The following GTF3C5 variants were observed in gnomAD, a reference collection of about 807,000 sequenced individuals.
GTF3C5 encodes the protein general transcription factor IIIC subunit 5.
A neutral mutation model predicts 61.0 loss-of-function variants in GTF3C5; 47 were observed. That is an observed-to-expected ratio of 0.77 (90% CI 0.61 to 0.98). GTF3C5 has a LOEUF of 0.98. Ranked by LOEUF, GTF3C5 falls within the 50% of genes least tolerant of loss-of-function variation. The pLI, the probability that GTF3C5 is intolerant of heterozygous loss-of-function variation, is 0.00. For synonymous variants in GTF3C5, 295 were observed against 275.4 expected, an observed-to-expected ratio of 1.07 and a Z score of -0.71; for missense variants, 659 against 703.3, an observed-to-expected ratio of 0.94 and a Z score of 0.71.
chr9:133,038,057 C>T (rs1849918298), intron 1 of GTF3C5, among the ~76,000 whole-genome samples: 1 of 152,132 alleles, frequency 6.6e-6, no homozygotes, highest in African/African-American at 2.4e-5. Flanking sequence ...ATGTGGGTTA[C>T]AGTGGCTGGA....
rs771499679 is a variant in GTF3C5, at chr9:133,052,208, G to A, written c.873+44G>A. On this transcript the variant is annotated intron_variant, in intron 5 of 10. Coordinates refer to ENST00000372097, the MANE Select transcript of GTF3C5 (RefSeq NM_012087.4). ...CCCACCTGCCTTGGTTTCCACCCAT[G>A]TGGTCCCTGGTCCCTGCTGTGATGT... The A allele has an allele frequency of 1.2e-4, 121 of 1,051,928 alleles. No homozygotes were observed. In the South Asian group the frequency reaches 1.6e-3, roughly 14 times the overall value. 65.2% of individuals were successfully genotyped at this position (1,051,928 alleles called of 1,614,324 possible).
At chr9:133,044,082 T>C in intron 3 of GTF3C5, 156 bp downstream of exon 3, 2 of 565,376 alleles carry the variant, frequency 3.5e-6, no homozygotes, top group South Asian at 4.1e-5. Context: ...GAGGCGGAGG[T>C]TGCAGTGAGC....
At position 133,057,863 on chromosome 9, in the gene GTF3C5, G is replaced by C. The variant is rs200561021; in HGVS notation, c.1443G>C (p.Thr481=). Reference sequence around the variant, plus strand: ...CTGATGGCGGAAAAGAGCAGCTGACGTACGAGTCTGGGGAAGACGAGGAGG... The same window carrying C: ...CTGATGGCGGAAAAGAGCAGCTGACCTACGAGTCTGGGGAAGACGAGGAGG... ...AKADGGKEQL[T]YESGEDEEDE... The change falls in exon 11 of 11, where the codon ACG becomes ACC. Residue 481 remains threonine (T), a synonymous_variant. Coordinates refer to ENST00000372097, the MANE Select transcript of GTF3C5 (RefSeq NM_012087.4). 5.0e-6 allele frequency: 8 copies of C among 1,613,630 alleles called. No individual in the cohort carries two copies. Among genetic ancestry groups the C allele is most frequent in the Admixed American group, 3.3e-5 (2 of 60,016 alleles).
chr9:133,038,512 G>A (rs1439777958), intron 1 of GTF3C5, among the ~76,000 whole-genome samples: 6 of 149,834 alleles, frequency 4.0e-5, no homozygotes, highest in African/African-American at 7.4e-5. Flanking sequence ...GTGCAGTGGC[G>A]CGATCTCGGC....
chr9:133,047,930 G>A (rs976790886), intron 3 of GTF3C5, among the ~76,000 whole-genome samples: 10 of 152,176 alleles, frequency 6.6e-5, no homozygotes, highest in Admixed American at 1.3e-4. Flanking sequence ...TTTGAGAACA[G>A]CCTGAGCGAC....
intron 1 of GTF3C5, among the ~76,000 whole-genome samples, 169 bp downstream of exon 1, chr9:133,031,333 ATTTTTGTTTTTG>A (rs775008956): frequency 6.6e-6 from 1 of 151,940 alleles, no homozygotes; most frequent in Non-Finnish European, 1.5e-5. Flanking sequence ...GAAGGGAAGG[ATTTTTGTTTTTG>A]TTTTTGTTTT....
intron 8 of GTF3C5, chr9:133,055,499 C>T: frequency 3.3e-6 from 4 of 1,199,534 alleles, no homozygotes; most frequent in Admixed American, 3.5e-5. Context: ...GCCTGTGCGG[C>T]CTTCCTTCTC....
chr9:133,054,595 G>A (rs1829873037), intron 7 of GTF3C5, 107 bp downstream of exon 7: 2 of 1,415,408 alleles, frequency 1.4e-6, no homozygotes, highest in South Asian at 2.5e-5. Flanking sequence ...CCAGGGCTCT[G>A]CCGGTCATTC....
chr9:133,037,747 CTGCGTCTTCTAAGA>C (rs1564195388), intron 1 of GTF3C5, among the ~76,000 whole-genome samples: 1 of 152,102 alleles, frequency 6.6e-6, no homozygotes, highest in Non-Finnish European at 1.5e-5. Context: ...TGTTTGAACT[CTGCGTCTTCTAAGA>C]TTTTTGCTCT....
In GTF3C5 at chr9:133,056,843, C is replaced by A; in HGVS notation, c.1328C>A (p.Thr443Asn). Reference protein sequence around the residue: ...TERDGWCLPKTSDELRDTMSL... With the variant: ...TERDGWCLPKNSDELRDTMSL... ...CGGGATGGGTGGTGCCTCCCCAAGA[C>A]CAGCGACGAGCTCAGGGACACCATG... Residue 443 changes from threonine to asparagine, a missense_variant, in exon 10 of 11, where the codon ACC (threonine) becomes AAC (asparagine). Transcript: ENST00000372097. 1 of 1,612,246 alleles carries A rather than the reference C, an allele frequency of 6.2e-7. No homozygotes were observed. Among genetic ancestry groups the A allele is most frequent in the East Asian group, 2.2e-5 (1 of 44,732 alleles).
At chr9:133,030,946 T>G, upstream of GTF3C5, 2 of 1,552,700 alleles carry the variant, frequency 1.3e-6, no homozygotes, top group Non-Finnish European at 1.8e-6. Context: ...CGCGGAACAA[T>G]TGAGGCGAGG....
At chr9:133,057,093 C>T (rs932799057) in intron 10 of GTF3C5, among the ~76,000 whole-genome samples, 185 bp downstream of exon 10, 1 of 152,224 alleles carries the variant, frequency 6.6e-6, no homozygotes, top group African/African-American at 2.4e-5. Flanking sequence ...ACCCCAGCTG[C>T]CCAGAGGCTG....
rs1266808447 is a variant in GTF3C5 at position 133,056,810 on chromosome 9, G to T, written c.1295G>T (p.Cys432Phe). 2 of 1,611,346 alleles carry T rather than the reference G, an allele frequency of 1.2e-6. No homozygotes were observed. Among genetic ancestry groups the T allele is most frequent in the Non-Finnish European group, 1.7e-6 (2 of 1,178,836 alleles). The change falls in exon 10 of 11, where the codon TGC becomes TTC. Residue 432 changes from cysteine (C) to phenylalanine (F), a missense_variant. By Grantham distance (205) the Cys-to-Phe change is radical (BLOSUM62 -2). Coordinates refer to ENST00000372097, the MANE Select transcript of GTF3C5 (RefSeq NM_012087.4). ...CGCAATGACGGGGCAGAGAATTCCTGCACAGAACGGGATGGGTGGTGCCTC... is the reference window on the plus strand; with the variant it reads ...CGCAATGACGGGGCAGAGAATTCCTTCACAGAACGGGATGGGTGGTGCCTC... ...IHRNDGAENS[C>F]TERDGWCLPK...
Position 133,053,812 on chromosome 9 carries a change from C to T in GTF3C5, c.874-16C>T. The T allele has an allele frequency of 6.4e-7, 1 of 1,555,464 alleles. No homozygotes were observed. Among genetic ancestry groups the T allele is most frequent in the Non-Finnish European group, 8.8e-7 (1 of 1,131,624 alleles). ...CCTTCACCTCACCTCACATTTTCCCCACTTTTCTGTCCCAGATAACAGGCC... is the reference window on the plus strand; with the variant it reads ...CCTTCACCTCACCTCACATTTTCCCTACTTTTCTGTCCCAGATAACAGGCC... On this transcript the variant is annotated splice_polypyrimidine_tract_variant and intron_variant, in intron 5 of 10. Transcript: ENST00000372097.
chr9:133,031,102 G>C lies in GTF3C5; in HGVS notation c.91G>C (p.Gly31Arg). ...ERRMVCVEYP[G>R]VVRDVAKMLP... ...ACGCATGGTGTGCGTGGAGTACCCG[G>C]GAGTGGTGCGTGATGTGGCTAAGAT... The change falls in exon 1 of 11, where the codon GGA (glycine) becomes CGA (arginine). Residue 31 changes from glycine (G) to arginine (R), a missense_variant. Transcript: ENST00000372097. 1.2e-6 allele frequency: 2 copies of C among 1,606,786 alleles called. No individual in the cohort carries two copies. Among genetic ancestry groups the C allele is most frequent in the Non-Finnish European group, 1.7e-6 (2 of 1,176,052 alleles).
intron 3 of GTF3C5, among the ~76,000 whole-genome samples, chr9:133,044,727 G>A (rs1850151110): frequency 6.6e-6 from 1 of 152,030 alleles, no homozygotes; most frequent in Admixed American, 6.6e-5. Context: ...AGGCATCTGT[G>A]ACTCTACACA....
At chr9:133,055,815 T>C (rs1345604913) in intron 8 of GTF3C5, 197 bp from the exon 9 acceptor site, 1 of 1,394,642 alleles carries the variant, frequency 7.2e-7, no homozygotes, top group Non-Finnish European at 9.3e-7. Context: ...CCTCTGCCTC[T>C]CCCAGAGCCT....
rs373718885 is a variant in GTF3C5, at chr9:133,056,789, A to G, written c.1274A>G (p.Asn425Ser). The G allele has an allele frequency of 3.1e-6, 5 of 1,608,232 alleles. No homozygotes were observed. The highest frequency in any genetic ancestry group is 2.7e-5 in the African/African-American group (2 of 74,708). ...VEELQKIIHR[N>S]DGAENSCTER... ...AGGTTGCAGAAGATCATTCACCGCA[A>G]TGACGGGGCAGAGAATTCCTGCACA... The change falls in exon 10 of 11, where the codon AAT becomes AGT. Residue 425 changes from asparagine to serine, a missense_variant. Asn to Ser is a conservative substitution (Grantham distance 46). Transcript: ENST00000372097.
At chr9:133,043,140 C>G (rs1286673943) in intron 2 of GTF3C5, among the ~76,000 whole-genome samples, 11 of 152,208 alleles carry the variant, frequency 7.2e-5, no homozygotes. Context: ...GAAGGAGAAG[C>G]AGGACCTGGG....
Sources: gnomAD v4.1 joint callset for allele counts (sites outside exome capture counted in the v4.1 genomes callset) on GRCh38, gnomAD v4.1.1 for gene constraint, MANE v1.5 for transcripts, NCBI Gene and HGNC (gene_info 2026-07-23, HGNC 2026-07-21) for gene names.